The following MSH4 variants were observed in gnomAD, a reference collection of about 807,000 sequenced individuals.
MSH4 encodes mutS protein homolog 4.
Under a neutral mutation model 113.7 loss-of-function variants are expected in MSH4, and 106 were observed. That is an observed-to-expected ratio of 0.93 (90% confidence interval 0.80 to 1.10). The LOEUF (loss-of-function observed/expected upper bound fraction) is 1.10, where lower values mean the gene tolerates loss of function less well. MSH4 is among the 50% of genes least tolerant of loss of function. The pLI is 0.00. For missense variants in MSH4, 1,061 were observed against 1,093.7 expected (o/e 0.97, Z 0.42); for synonymous variants, 368 against 380.2 (o/e 0.97, Z 0.37).
chr1:75,834,985 TTGTC>T (rs1650797648), intron 7 of MSH4, among the ~76,000 whole-genome samples: 1 of 152,198 alleles, frequency 6.6e-6, no homozygotes, highest in South Asian at 2.1e-4. Context: ...ACCTGGCTGT[TTGTC>T]CACTGGCATG....
intron 19 of MSH4, among the ~76,000 whole-genome samples, chr1:75,906,820 T>C (rs12733048): frequency 0.064 from 9,540 of 148,934 alleles, 464 homozygotes; most frequent in African/African-American, 0.13. Flanking sequence ...ACTATTTTCA[T>C]AAACGTGTCT....
intron 7 of MSH4, among the ~76,000 whole-genome samples, chr1:75,836,471 A>T (rs1197156725): frequency 6.6e-6 from 1 of 151,544 alleles, no homozygotes. Context: ...GCTAATTTTT[A>T]TGTTTTTGGT....
At chr1:75,856,539 T>C (rs1651322892) in intron 8 of MSH4, among the ~76,000 whole-genome samples, 1 of 152,164 alleles carries the variant, frequency 6.6e-6, no homozygotes, top group African/African-American at 2.4e-5. Context: ...CATGCGGTGT[T>C]TGGTTTTCTA....
chr1:75,905,542 C>A (rs1288885138), intron 19 of MSH4, among the ~76,000 whole-genome samples: 4 of 152,072 alleles, frequency 2.6e-5, no homozygotes, highest in African/African-American at 9.7e-5. Flanking sequence ...ATGAAATGTT[C>A]TGCAAATGTC....
chr1:75,903,400 T>C lies in MSH4; in HGVS notation c.2619+3694T>C, dbSNP rs149293497. On this transcript the variant is annotated intron_variant, in intron 19 of 19. Coordinates refer to ENST00000263187, the MANE Select transcript of MSH4 (RefSeq NM_002440.4). The stretch of plus-strand genomic sequence containing the variant: ...CAATTTTTTGATGTGTCTGTATTTA[T>C]GCCAGGACTCTGTTGTTTTGGTTAC... Among the ~76,000 whole-genome samples the C allele has an allele frequency of 1.2e-4, 18 of 152,256 alleles. No homozygotes were observed. In the East Asian group the frequency reaches 2.5e-3, roughly 21 times the overall value.
Position 75,844,386 on chromosome 1 carries a change from G to A in MSH4, c.1163-3823G>A, listed in dbSNP as rs949522472. Among the ~76,000 whole-genome samples, 121 of 152,082 alleles carry A rather than the reference G, an allele frequency of 8.0e-4. 2 individuals carry two copies. The highest frequency in any genetic ancestry group is 2.8e-4 in the Non-Finnish European group (19 of 68,002). On this transcript the variant is annotated intron_variant, in intron 7 of 19. Transcript: ENST00000263187. ...CTGTTGCCCAGGCTGGAGTGCAGTGGCACAATCTTGGCTCACTGCAACTTC... is the reference window on the plus strand; with the variant it reads ...CTGTTGCCCAGGCTGGAGTGCAGTGACACAATCTTGGCTCACTGCAACTTC...
chr1:75,881,414 T>A (rs1651929926), intron 14 of MSH4, 44 bp downstream of exon 14: 1 of 1,582,300 alleles, frequency 6.3e-7, no homozygotes, highest in African/African-American at 1.3e-5. Context: ...TAGTTAAATT[T>A]GTATTCGATT....
chr1:75,909,278 ACTTT>A (rs1056202693), intron 19 of MSH4, among the ~76,000 whole-genome samples: 2 of 152,080 alleles, frequency 1.3e-5, no homozygotes, highest in East Asian at 1.9e-4. Context: ...CAGATAGAGA[ACTTT>A]CTTTCTTTTT....
chr1:75,805,485 T>A (rs534145710), intron 2 of MSH4, among the ~76,000 whole-genome samples: 51 of 151,682 alleles, frequency 3.4e-4, no homozygotes, highest in Middle Eastern at 6.8e-3. Context: ...CTTCCTGGGT[T>A]CAAGTGATTC....
At chr1:75,874,271 T>C (rs1229506633) in intron 9 of MSH4, among the ~76,000 whole-genome samples, 8 of 152,200 alleles carry the variant, frequency 5.3e-5, no homozygotes, top group Non-Finnish European at 1.5e-5. Context: ...GTTTTATTCT[T>C]GTAAATTTAA....
At chr1:75,847,032 T>G (rs1473492357) in intron 7 of MSH4, among the ~76,000 whole-genome samples, 2 of 152,194 alleles carry the variant, frequency 1.3e-5, no homozygotes, top group African/African-American at 4.8e-5. Context: ...GGTGAGGGCC[T>G]TCCTGCTGCA....
chr1:75,882,566 G>T (rs1453519404), intron 14 of MSH4, among the ~76,000 whole-genome samples: 1 of 147,232 alleles, frequency 6.8e-6, no homozygotes, highest in Non-Finnish European at 1.5e-5. Context: ...GGCTTAGAAA[G>T]AATTATTTTT....
At chr1:75,873,915 A>G (rs1651763821) in intron 9 of MSH4, among the ~76,000 whole-genome samples, 1 of 152,128 alleles carries the variant, frequency 6.6e-6, no homozygotes, top group Non-Finnish European at 1.5e-5. Context: ...AAAATGATTT[A>G]TATTCCTCTG....
At chr1:75,849,690 C>T (rs1204222524) in intron 8 of MSH4, among the ~76,000 whole-genome samples, 1 of 152,184 alleles carries the variant, frequency 6.6e-6, no homozygotes, top group East Asian at 1.9e-4. Context: ...ATTAAATTAG[C>T]AGCCCTCATA....
intron 8 of MSH4, among the ~76,000 whole-genome samples, chr1:75,863,402 G>A (rs1043991353): frequency 6.6e-5 from 10 of 151,988 alleles, no homozygotes; most frequent in Non-Finnish European, 7.4e-5. Context: ...GGCACAAGAC[G>A]CTTGGGTCAA....
chr1:75,875,733 T>C (rs1348880346), intron 9 of MSH4, among the ~76,000 whole-genome samples: 1 of 152,198 alleles, frequency 6.6e-6, no homozygotes, highest in Admixed American at 6.5e-5. Flanking sequence ...CTGATGCAGG[T>C]ACTCTGGGGG....
At chr1:75,838,721 GT>G (rs1650887409) in intron 7 of MSH4, among the ~76,000 whole-genome samples, 1 of 152,050 alleles carries the variant, frequency 6.6e-6, no homozygotes, top group Non-Finnish European at 1.5e-5. Flanking sequence ...CATATCTGCT[GT>G]CATTTTCTGG....
intron 17 of MSH4, among the ~76,000 whole-genome samples, chr1:75,893,582 G>A (rs531961123): frequency 6.6e-6 from 1 of 152,176 alleles, no homozygotes. Context: ...CCCAGCCAAT[G>A]CTGAGTCTCC....
intron 15 of MSH4, 24 bp downstream of exon 15, chr1:75,883,845 T>A: frequency 6.3e-7 from 1 of 1,591,736 alleles, no homozygotes; most frequent in South Asian, 1.1e-5. Context: ...TTATTTATAA[T>A]GACCAGTTTT....
Sources: allele counts gnomAD v4.1 joint callset (sites outside exome capture counted in the v4.1 genomes callset), GRCh38; gene constraint gnomAD v4.1.1; transcripts MANE v1.5; gene names NCBI Gene and HGNC (gene_info 2026-07-23, HGNC 2026-07-21).